MYO7A: variants seen among roughly 807,000 people sequenced by gnomAD.
MYO7A encodes the protein unconventional myosin-VIIa.
In MYO7A, 210 loss-of-function variants were observed where a neutral mutation model predicts 263.8. The observed-to-expected ratio is 0.80, with a 90% confidence interval of 0.71 to 0.89. The LOEUF (loss-of-function observed/expected upper bound fraction) is 0.89, where lower values mean the gene tolerates loss of function less well. Among genes scored for constraint, MYO7A ranks in the 40% least tolerant of loss-of-function variants. The probability of loss-of-function intolerance (pLI) is 0.00; values close to 1 mark genes in which losing one functional copy is unlikely to be tolerated. For missense variants in MYO7A, 2,820 were observed against 2,968.3 expected, an observed-to-expected ratio of 0.95 and a Z score of 1.16; for synonymous variants, 1,239 against 1,197.3, an observed-to-expected ratio of 1.03 and a Z score of -0.72.
intron 36 of MYO7A, 69 bp downstream of exon 36, chr11:77,201,707 C>T (rs1049226348): frequency 8.7e-6 from 13 of 1,491,036 alleles, no homozygotes; most frequent in Middle Eastern, 4.1e-4. Context: ...CTTCCCACAG[C>T]TGTACAATAG....
At chr11:77,202,999 G>C in intron 37 of MYO7A, 61 bp from the exon 38 acceptor site, 1 of 1,530,258 alleles carries the variant, frequency 6.5e-7, no homozygotes. Context: ...TCACAACCTG[G>C]GGGTTTCTCC....
At chr11:77,212,784 TG>T (rs1448481878) in intron 46 of MYO7A, 167 bp from the exon 47 acceptor site, 2 of 647,538 alleles carry the variant, frequency 3.1e-6, no homozygotes, top group Non-Finnish European at 5.6e-6. Context: ...GGGGCAGCAC[TG>T]AGGGCCCAGC....
rs1052030 is a variant in MYO7A at position 77,142,737 on chromosome 11, T to A, written c.47T>A (p.Leu16Ter). 1 of 1,609,752 alleles carries A rather than the reference T, an allele frequency of 6.2e-7. No homozygotes were observed. The highest frequency in any genetic ancestry group is 8.5e-7 in the Non-Finnish European group (1 of 1,178,044). The change falls in exon 3 of 49, where the codon TTG (leucine) becomes TAG (stop). Residue 16 changes from leucine to a stop codon, truncating the protein, a stop_gained. Transcript: ENST00000409709. LOFTEE classifies it high-confidence loss of function. ...GACCATGTGTGGATGGACCTGAGATTGGGGCAGGAGTTCGACGTGCCCATC... is the reference window on the plus strand; with the variant it reads ...GACCATGTGTGGATGGACCTGAGATAGGGGCAGGAGTTCGACGTGCCCATC... ...QGDHVWMDLR[L>*]GQEFDVPIGA...
intron 8 of MYO7A, among the ~76,000 whole-genome samples, chr11:77,157,757 C>A (rs541641800): frequency 1.3e-5 from 2 of 152,258 alleles, no homozygotes; most frequent in Admixed American, 1.3e-4. Flanking sequence ...GTAGGTGTGA[C>A]AGGTGTCCCT....
chr11:77,189,038 C>CCTGTGG (rs1440190253), intron 27 of MYO7A, among the ~76,000 whole-genome samples: 1 of 152,172 alleles, frequency 6.6e-6, no homozygotes, highest in Admixed American at 6.5e-5. Context: ...AGCATGGTCA[C>CCTGTGG]CTGTGGCTGT....
intron 4 of MYO7A, among the ~76,000 whole-genome samples, chr11:77,153,763 C>T (rs1003282272): frequency 2.0e-5 from 3 of 152,142 alleles, no homozygotes; most frequent in African/African-American, 4.8e-5. Context: ...CGCCTCTGTG[C>T]TTGCTACCAG....
chr11:77,179,913 G>C lies in MYO7A; in HGVS notation c.2546G>C (p.Gly849Ala). 2.6e-6 allele frequency: 4 copies of C among 1,535,454 alleles called. No homozygotes were observed. Among genetic ancestry groups the C allele is most frequent in the East Asian group, 2.5e-5 (1 of 40,766 alleles). ...CTCACCGTGCAGGCCTATGCCCGGGGCATGATCGCCCGCAGGCTGCACCAA... is the reference window on the plus strand; with the variant it reads ...CTCACCGTGCAGGCCTATGCCCGGGCCATGATCGCCCGCAGGCTGCACCAA... Reference protein sequence around the residue: ...AVLTVQAYARGMIARRLHQRL... With the variant: ...AVLTVQAYARAMIARRLHQRL... Residue 849 changes from glycine (G) to alanine (A), a missense_variant, in exon 21 of 49, where the codon GGC becomes GCC. By Grantham distance (60) the Gly-to-Ala change is moderately conservative (BLOSUM62 0). Transcript: ENST00000409709.
At position 77,180,404 on chromosome 11, in the gene MYO7A, C is replaced by G. The variant is rs200454015; in HGVS notation, c.2617C>G (p.Arg873Gly). 6.2e-7 allele frequency: 1 copy of G among 1,611,952 alleles called. No individual in the cohort carries two copies. The highest frequency in any genetic ancestry group is 8.5e-7 in the Non-Finnish European group (1 of 1,179,550). ...GTGGCGCCTCGAGGCTGAGAAAATG[C>G]GGCTGGCGGAGGAAGAGAAGCTTCG... Reference protein sequence around the residue: ...YLWRLEAEKMRLAEEEKLRKE... With the variant: ...YLWRLEAEKMGLAEEEKLRKE... The change falls in exon 22 of 49, where the codon CGG (arginine) becomes GGG (glycine). Residue 873 changes from arginine to glycine, a missense_variant. Transcript: ENST00000409709.
chr11:77,164,277 C>A (rs1555071123), intron 14 of MYO7A, among the ~76,000 whole-genome samples: 1 of 141,876 alleles, frequency 7.0e-6, no homozygotes, highest in Non-Finnish European at 1.5e-5. Context: ...AAAGGGCCAA[C>A]CACAAATTGG....
At chr11:77,183,206 G>A (rs1555086118) in intron 26 of MYO7A, 49 bp downstream of exon 26, 2 of 1,495,468 alleles carry the variant, frequency 1.3e-6, no homozygotes, top group Admixed American at 2.0e-5. Context: ...GCTGCCTTAG[G>A]TGGCCTAGGC....
intron 30 of MYO7A, 96 bp downstream of exon 30, chr11:77,190,966 C>A (rs73495781): frequency 1.5e-6 from 2 of 1,330,822 alleles, no homozygotes; most frequent in Non-Finnish European, 2.0e-6. Flanking sequence ...GGCTATTCAC[C>A]CTTGAGCACC....
intron 27 of MYO7A, 109 bp downstream of exon 27, chr11:77,184,824 C>T (rs782632465): frequency 9.9e-6 from 15 of 1,518,666 alleles, no homozygotes; most frequent in Middle Eastern, 1.7e-4. Context: ...GGTTTGGCTT[C>T]GCTGCTAGCT....
At chr11:77,187,648 A>G (rs1955740664) in intron 27 of MYO7A, among the ~76,000 whole-genome samples, 1 of 152,172 alleles carries the variant, frequency 6.6e-6, no homozygotes, top group Non-Finnish European at 1.5e-5. Flanking sequence ...GGGGAGTTGA[A>G]GGGAAGACCC....
rs577641628 is a variant in MYO7A at position 77,196,822 on chromosome 11, C to A, written c.4324-659C>A. On this transcript the variant is annotated intron_variant, in intron 32 of 48. Transcript: ENST00000409709. ...CTACATTCTATAAAAACCAGGATTTCACTCTGACCCCTCCAATGCTACCCC... is the reference window on the plus strand; with the variant it reads ...CTACATTCTATAAAAACCAGGATTTAACTCTGACCCCTCCAATGCTACCCC... Among the ~76,000 whole-genome samples, 14 of 152,298 alleles carry A rather than the reference C, an allele frequency of 9.2e-5. No homozygotes were observed. The South Asian group carries it at 2.9e-3, about 32-fold the overall frequency.
At chr11:77,158,570 G>T in intron 9 of MYO7A, 140 bp downstream of exon 9, 2 of 1,142,974 alleles carry the variant, frequency 1.7e-6, no homozygotes, top group Non-Finnish European at 2.4e-6. Flanking sequence ...GAATTCGCCT[G>T]TGGGTAGATT....
chr11:77,143,165 C>T (rs1555051734), intron 3 of MYO7A, among the ~76,000 whole-genome samples: 2 of 152,200 alleles, frequency 1.3e-5, no homozygotes, highest in East Asian at 1.9e-4. Flanking sequence ...AATCCTATCT[C>T]GTCCATTTGT....
chr11:77,195,761 T>C (rs920485060), intron 32 of MYO7A, among the ~76,000 whole-genome samples: 8 of 152,218 alleles, frequency 5.3e-5, no homozygotes, highest in African/African-American at 1.9e-4. Flanking sequence ...TCACAGTTTT[T>C]GTAGGGTGGG....
rs781939375 is a variant in MYO7A, at chr11:77,163,030, C to T, written c.1690+42C>T. 2.5e-6 allele frequency: 4 copies of T among 1,603,144 alleles called. No homozygotes were observed. The South Asian group carries it at 4.5e-5, about 18-fold the overall frequency. ...GCTGTCTGTCACTCCCTGCCCGTGG[C>T]CCTGCCTTCCCCTGCTCCAGCCCAG... is the stretch of plus-strand genomic sequence containing the variant. On this transcript the variant is annotated intron_variant, in intron 14 of 48. Coordinates refer to ENST00000409709, the MANE Select transcript of MYO7A (RefSeq NM_000260.4).
At position 77,202,354 on chromosome 11, in the gene MYO7A, C is replaced by T. The variant is rs1486805195; in HGVS notation, c.5098C>T (p.Leu1700=). 6.4e-7 allele frequency: 1 copy of T among 1,572,120 alleles called. No homozygotes were observed. Among genetic ancestry groups the T allele is most frequent in the Non-Finnish European group, 8.6e-7 (1 of 1,157,990 alleles). Residue 1700 remains leucine (L), a synonymous_variant, in exon 37 of 49, where the codon CTG becomes TTG. Transcript: ENST00000409709. ...GCAGGACGTTGTCCGGCTCTTGCAG[C>T]TGCGAACGGCGGAGCCCGAGGTGCG... ...QRQDVVRLLQ[L]RTAEPEVRAK... is the part of the protein sequence containing the mutation.
Sources: allele counts gnomAD v4.1 joint callset (sites outside exome capture counted in the v4.1 genomes callset), GRCh38; gene constraint gnomAD v4.1.1; transcripts MANE v1.5; gene names NCBI Gene and HGNC (gene_info 2026-07-23, HGNC 2026-07-21).